LAMA1: variants seen among roughly 807,000 people sequenced by gnomAD.
The protein encoded by LAMA1 is laminin subunit alpha-1.
In LAMA1, 219 loss-of-function variants were observed where a neutral mutation model predicts 348.7. The observed-to-expected ratio is 0.63, with a 90% CI of 0.56 to 0.70. The LOEUF is 0.70. LAMA1 is among the 30% of genes least tolerant of loss of function. LAMA1 has a pLI of 0.00. For synonymous variants in LAMA1, 1,487 were observed against 1,491.0 expected, an observed-to-expected ratio of 1.00 and a Z score of 0.06; for missense variants, 3,744 against 3,888.0, an observed-to-expected ratio of 0.96 and a Z score of 0.99.
chr18:6,965,957 GATA>G (rs1238247147), intron 49 of LAMA1, 187 bp downstream of exon 49: 5 of 639,886 alleles, frequency 7.8e-6, no homozygotes, highest in East Asian at 5.7e-5. Context: ...GTTCTACAAT[GATA>G]ATAAATAATT....
At chr18:7,116,862 C>A (rs1158697161) in intron 1 of LAMA1, among the ~76,000 whole-genome samples, 1 of 152,010 alleles carries the variant, frequency 6.6e-6, no homozygotes, top group Non-Finnish European at 1.5e-5. Flanking sequence ...TCCGCCCGCC[C>A]GCAAAAACAG....
intron 32 of LAMA1, 150 bp downstream of exon 32, chr18:6,999,295 G>A (rs1281631193): frequency 2.5e-6 from 2 of 804,360 alleles, no homozygotes; most frequent in Non-Finnish European, 4.0e-6. Context: ...TTCAGCAGAT[G>A]CAACAGTGAT....
At chr18:6,968,617 G>C (rs1327006892) in intron 48 of LAMA1, among the ~76,000 whole-genome samples, 1 of 152,170 alleles carries the variant, frequency 6.6e-6, no homozygotes, top group Non-Finnish European at 1.5e-5. Context: ...ATAATACAAG[G>C]ATTATGCCTG....
At chr18:7,078,130 T>A (rs1176732171) in intron 3 of LAMA1, among the ~76,000 whole-genome samples, 2 of 143,262 alleles carry the variant, frequency 1.4e-5, no homozygotes, top group African/African-American at 5.1e-5. Flanking sequence ...GAAGCTCTTT[T>A]CTCTTTTTAT....
At chr18:7,112,927 G>C (rs547373838) in intron 1 of LAMA1, among the ~76,000 whole-genome samples, 1 of 152,042 alleles carries the variant, frequency 6.6e-6, no homozygotes, top group African/African-American at 2.4e-5. Context: ...GAGCCACTGC[G>C]CCCAGCTATT....
intron 59 of LAMA1, 139 bp downstream of exon 59, chr18:6,948,962 G>A (rs1361791199): frequency 5.5e-6 from 6 of 1,097,592 alleles, no homozygotes; most frequent in Non-Finnish European, 8.0e-6. Context: ...CTGTGGACAT[G>A]CCTGCAAAGT....
At chr18:7,002,125 C>A in intron 30 of LAMA1, 139 bp downstream of exon 30, 2 of 1,111,356 alleles carry the variant, frequency 1.8e-6, no homozygotes, top group Non-Finnish European at 2.6e-6. Flanking sequence ...AGAATGAACA[C>A]CTTTTCTTAA....
intron 1 of LAMA1, among the ~76,000 whole-genome samples, chr18:7,084,444 A>G (rs754227104): frequency 2.0e-5 from 3 of 152,212 alleles, no homozygotes; most frequent in African/African-American, 4.8e-5. Flanking sequence ...CCACTACTTC[A>G]TCAAGGACTT....
chr18:7,018,145 G>C (rs970718223), intron 19 of LAMA1, among the ~76,000 whole-genome samples: 3 of 151,862 alleles, frequency 2.0e-5, no homozygotes, highest in African/African-American at 7.3e-5. Flanking sequence ...AGACCAGCCT[G>C]GCCAACGTGG....
intron 50 of LAMA1, 143 bp downstream of exon 50, chr18:6,965,145 T>C (rs1173532853): frequency 8.5e-6 from 9 of 1,060,280 alleles, no homozygotes; most frequent in Non-Finnish European, 1.1e-5. Flanking sequence ...TGTTGGTTAG[T>C]ATTCCAAAGA....
chr18:7,014,164 A>G (rs1038629680), intron 22 of LAMA1, 113 bp from the exon 23 acceptor site: 73 of 849,700 alleles, frequency 8.6e-5, no homozygotes, highest in Middle Eastern at 2.1e-4. Context: ...CAAATGAACC[A>G]TCTCTCTCTT....
intron 1 of LAMA1, among the ~76,000 whole-genome samples, chr18:7,091,470 CCAG>C (rs2058239603): frequency 6.6e-6 from 1 of 152,170 alleles, no homozygotes; most frequent in Non-Finnish European, 1.5e-5. Context: ...ACTTAAAACA[CCAG>C]TTTTCTGACC....
chr18:6,955,724 A>T, intron 56 of LAMA1: 1 of 569,448 alleles, frequency 1.8e-6, no homozygotes, highest in Non-Finnish European at 3.2e-6. Flanking sequence ...AGGACACTGA[A>T]GTCTCTCCTA....
At chr18:7,026,648 T>A (rs2057944732) in intron 16 of LAMA1, among the ~76,000 whole-genome samples, 1 of 152,062 alleles carries the variant, frequency 6.6e-6, no homozygotes, top group Admixed American at 6.5e-5. Flanking sequence ...GCCTGAATAA[T>A]CCAAGAGAAA....
intron 62 of LAMA1, among the ~76,000 whole-genome samples, chr18:6,942,554 C>T (rs1438176237): frequency 6.6e-6 from 1 of 151,892 alleles, no homozygotes; most frequent in Non-Finnish European, 1.5e-5. Flanking sequence ...GCTGGGGTTA[C>T]AGGCACCCGT....
rs1206058601 is a variant in LAMA1, at chr18:7,117,710, C to A, written c.11G>T (p.Gly4Val). The stretch of plus-strand genomic sequence containing the variant: ...ACACAGCAGCAAGACCAGGAGCACG[C>A]CCCCGCGCATCTCGCCTCCGCCGCC... MRG[G>V]VLLVLLLCVA... Residue 4 changes from glycine (G) to valine (V), a missense_variant, in exon 1 of 63, where the codon GGC (glycine) becomes GTC (valine). Physicochemically the swap from Gly to Val is moderately radical, Grantham distance 109. This residue lies in a region of LAMA1 where 1,529 missense variants were observed against 1,689.4 expected (regional missense o/e 0.91). Coordinates refer to ENST00000389658, the MANE Select transcript of LAMA1 (RefSeq NM_005559.4). 3 of 1,598,386 alleles carry A rather than the reference C, an allele frequency of 1.9e-6. No homozygotes were observed. Among genetic ancestry groups the A allele is most frequent in the East Asian group, 2.2e-5 (1 of 44,692 alleles).
At position 7,017,350 on chromosome 18, in the gene LAMA1, G is replaced by A. The variant is rs147940620; in HGVS notation, c.2736C>T (p.Ala912=). 165 of 1,613,814 alleles carry A rather than the reference G, an allele frequency of 1.0e-4. 1 individual carries two copies. The highest frequency in any genetic ancestry group is 4.9e-4 in the Middle Eastern group (3 of 6,084). ...CECHVKGSHS[A]VCHLETGLCD... is the part of the protein sequence containing the mutation. ...AGAGCCCGGTCTCAAGATGGCACAC[G>A]GCAGAATGGGAGCCTTTCACATGGC... Residue 912 remains alanine (A), a synonymous_variant, in exon 20 of 63, where the codon GCC becomes GCT. Coordinates refer to ENST00000389658, the MANE Select transcript of LAMA1 (RefSeq NM_005559.4).
intron 23 of LAMA1, among the ~76,000 whole-genome samples, chr18:7,012,826 C>G (rs978237498): frequency 2.6e-5 from 4 of 151,168 alleles, no homozygotes; most frequent in African/African-American, 9.7e-5. Flanking sequence ...TAAGACAAGG[C>G]CTGCTGCTCT....
At chr18:7,050,482 T>C (rs1459954262) in intron 4 of LAMA1, among the ~76,000 whole-genome samples, 1 of 152,112 alleles carries the variant, frequency 6.6e-6, no homozygotes, top group Non-Finnish European at 1.5e-5. Context: ...CACAGCAGAG[T>C]GAAGACTGAG....
Sources: allele counts gnomAD v4.1 joint callset (sites outside exome capture counted in the v4.1 genomes callset), GRCh38; gene constraint gnomAD v4.1.1; regional missense constraint gnomAD v4.1.1; transcripts MANE v1.5; gene names NCBI Gene and HGNC (gene_info 2026-07-23, HGNC 2026-07-21).